The following RABGAP1L variants were observed in gnomAD, a reference collection of about 807,000 sequenced individuals.
RABGAP1L encodes rab GTPase-activating protein 1-like.
In RABGAP1L, 63 loss-of-function variants were observed where a neutral mutation model predicts 137.7. That is an observed-to-expected ratio of 0.46 (90% CI 0.37 to 0.56). The LOEUF is 0.56. Among genes scored for constraint, RABGAP1L ranks in the 20% least tolerant of loss-of-function variants. The probability of loss-of-function intolerance (pLI) is 0.00; values close to 1 mark genes in which losing one functional copy is unlikely to be tolerated. For synonymous variants in RABGAP1L, 431 were observed against 433.7 expected (o/e 0.99, Z 0.08); for missense variants, 1,095 against 1,244.0 (o/e 0.88, Z 1.80).
rs115172941 is a variant in RABGAP1L, at chr1:174,705,939, G to A, written c.2169+3683G>A. On this transcript the variant is annotated intron_variant, in intron 17 of 25. Transcript: ENST00000681986. The stretch of plus-strand genomic sequence containing the variant: ...AAAACAATTTAAATTTTGAGGTTAC[G>A]ACTCAATGTTTACTTAAAAATGGAA... 9.5e-3 allele frequency among the ~76,000 whole-genome samples: 1,443 copies of A among 152,140 alleles called. 24 individuals carry two copies. The highest frequency in any genetic ancestry group is 0.033 in the African/African-American group (1,385 of 41,490).
chr1:174,287,351 G>T (rs1246821651), intron 10 of RABGAP1L, among the ~76,000 whole-genome samples: 1 of 152,074 alleles, frequency 6.6e-6, no homozygotes, highest in African/African-American at 2.4e-5. Context: ...TAGCCACTCT[G>T]TTCTCTTTTG....
chr1:174,725,286 C>T (rs1681889825), intron 17 of RABGAP1L, among the ~76,000 whole-genome samples: 1 of 152,142 alleles, frequency 6.6e-6, no homozygotes, highest in Non-Finnish European at 1.5e-5. Context: ...TTAAATTAAA[C>T]TCTTAAGAAT....
intron 14 of RABGAP1L, among the ~76,000 whole-genome samples, chr1:174,661,657 T>C (rs1016583673): frequency 1.2e-4 from 18 of 152,180 alleles, no homozygotes; most frequent in Non-Finnish European, 8.8e-5. Flanking sequence ...AGCAATAAAC[T>C]CTTTTGGTTT....
At chr1:174,917,209 CAG>C (rs1366335809) in intron 19 of RABGAP1L, among the ~76,000 whole-genome samples, 3 of 152,252 alleles carry the variant, frequency 2.0e-5, no homozygotes, top group Admixed American at 2.0e-4. Context: ...TTCAGTATCT[CAG>C]TGTGGGAGTG....
chr1:174,345,348 G>T (rs901744875), intron 11 of RABGAP1L, among the ~76,000 whole-genome samples: 2 of 152,190 alleles, frequency 1.3e-5, no homozygotes, highest in South Asian at 4.1e-4. Context: ...TTTTAAAAGG[G>T]ATTACATTAA....
intron 13 of RABGAP1L, among the ~76,000 whole-genome samples, chr1:174,518,699 A>G (rs187991014): frequency 6.6e-6 from 1 of 152,312 alleles, no homozygotes; most frequent in East Asian, 1.9e-4. Flanking sequence ...TTCAGGAATG[A>G]ATGGTGCCTT....
chr1:174,612,911 A>G (rs1170441426), intron 13 of RABGAP1L, among the ~76,000 whole-genome samples: 1 of 151,396 alleles, frequency 6.6e-6, no homozygotes, highest in Non-Finnish European at 1.5e-5. Flanking sequence ...TATCCCCTTT[A>G]TCATTTTTTA....
chr1:174,256,124 T>G (rs1673103890), intron 7 of RABGAP1L, among the ~76,000 whole-genome samples: 1 of 152,224 alleles, frequency 6.6e-6, no homozygotes, highest in East Asian at 1.9e-4. Context: ...GATATTGCAT[T>G]TAGTTACCAT....
chr1:174,858,891 T>C (rs1649751141), intron 19 of RABGAP1L, among the ~76,000 whole-genome samples: 1 of 152,184 alleles, frequency 6.6e-6, no homozygotes, highest in Non-Finnish European at 1.5e-5. Flanking sequence ...CTGGCTATTA[T>C]TAAAAAGTCA....
chr1:174,652,340 T>C (rs1476586756), intron 14 of RABGAP1L, among the ~76,000 whole-genome samples: 1 of 152,128 alleles, frequency 6.6e-6, no homozygotes, highest in Non-Finnish European at 1.5e-5. Context: ...TTTTGTTCCC[T>C]TGCTGGCAAG....
At chr1:174,627,061 ACTT>A (rs1557921509) in intron 13 of RABGAP1L, among the ~76,000 whole-genome samples, 4 of 152,202 alleles carry the variant, frequency 2.6e-5, no homozygotes, top group African/African-American at 9.7e-5. Flanking sequence ...ACGGTATAAT[ACTT>A]ATAAAGTTGA....
At chr1:174,725,149 T>A (rs1337496233) in intron 17 of RABGAP1L, among the ~76,000 whole-genome samples, 1 of 152,308 alleles carries the variant, frequency 6.6e-6, no homozygotes, top group South Asian at 2.1e-4. Context: ...ACTATGGCTG[T>A]TGTGAATGCA....
chr1:174,370,512 C>CTTT lies in RABGAP1L; in HGVS notation c.1466-452_1466-450dup, dbSNP rs372406044. Reference sequence around the variant, plus strand: ...TACAAATACATCTTAAGAAACCTAACTTTTTTTTTTTTTTTTTACATTTCC... The same window carrying CTTT: ...TACAAATACATCTTAAGAAACCTAACTTTTTTTTTTTTTTTTTTTTACATTTCC... On this transcript the variant is annotated intron_variant, in intron 11 of 25. Coordinates refer to ENST00000681986, the MANE Select transcript of RABGAP1L (RefSeq NM_001366446.1). 9.9e-3 allele frequency among the ~76,000 whole-genome samples: 496 copies of CTTT among 50,314 alleles called. 5 individuals are homozygous for CTTT. Among genetic ancestry groups the CTTT allele is most frequent in the Non-Finnish European group, 0.014 (394 of 28,414 alleles). 33.0% of individuals were successfully genotyped at this position (50,314 alleles called of 152,430 possible).
chr1:174,770,932 T>C (rs1686070003), intron 18 of RABGAP1L, among the ~76,000 whole-genome samples: 2 of 152,364 alleles, frequency 1.3e-5, no homozygotes, highest in African/African-American at 4.8e-5. Context: ...TCACATCTAA[T>C]AGGGGAGGCA....
intron 13 of RABGAP1L, among the ~76,000 whole-genome samples, chr1:174,534,775 C>CA (rs71117567): frequency 0.03 from 2,133 of 71,578 alleles, 172 homozygotes; most frequent in East Asian, 0.05. Context: ...ACTCTGTCTC[C>CA]AAAAAAAAAA....
chr1:174,491,781 C>G (rs1197729838), intron 13 of RABGAP1L, among the ~76,000 whole-genome samples: 1 of 152,196 alleles, frequency 6.6e-6, no homozygotes, highest in African/African-American at 2.4e-5. Context: ...TGATTCCCAT[C>G]TGGCTAGAGC....
chr1:174,571,515 C>G (rs1396347879), intron 13 of RABGAP1L, among the ~76,000 whole-genome samples: 1 of 151,974 alleles, frequency 6.6e-6, no homozygotes, highest in Non-Finnish European at 1.5e-5. Context: ...CATGCCTGTA[C>G]CAAAACATCT....
intron 13 of RABGAP1L, among the ~76,000 whole-genome samples, chr1:174,615,079 G>A (rs915491343): frequency 1.3e-5 from 2 of 152,146 alleles, no homozygotes; most frequent in Non-Finnish European, 2.9e-5. Context: ...CTCTCAACTC[G>A]TCAAAGTCAT....
chr1:174,657,296 T>C (rs1024477794), intron 14 of RABGAP1L, among the ~76,000 whole-genome samples: 1 of 152,214 alleles, frequency 6.6e-6, no homozygotes, highest in Non-Finnish European at 1.5e-5. Context: ...GAAACTATTA[T>C]TGTTAGCTAT....
Sources: gnomAD v4.1 joint callset for allele counts (sites outside exome capture counted in the v4.1 genomes callset) on GRCh38, gnomAD v4.1.1 for gene constraint, MANE v1.5 for transcripts, NCBI Gene and HGNC (gene_info 2026-07-23, HGNC 2026-07-21) for gene names.